The following HDAC9 variants were observed in gnomAD, a reference collection of about 807,000 sequenced individuals.
HDAC9 encodes MEF-2 interacting transcription repressor (MITR) protein.
Under a neutral mutation model 139.4 loss-of-function variants are expected in HDAC9, and 41 were observed. That is an observed-to-expected ratio of 0.29 (90% confidence interval 0.23 to 0.38). The LOEUF is 0.38. Among genes scored for constraint, HDAC9 ranks in the 10% least tolerant of loss-of-function variants. The pLI is 1.00. For synonymous variants in HDAC9, 517 were observed against 476.2 expected, an observed-to-expected ratio of 1.09 and a Z score of -1.12; for missense variants, 1,147 against 1,297.0, an observed-to-expected ratio of 0.88 and a Z score of 1.78.
intron 1 of HDAC9, among the ~76,000 whole-genome samples, chr7:18,353,520 T>C (rs1783016674): frequency 6.6e-6 from 1 of 152,222 alleles, no homozygotes; most frequent in Non-Finnish European, 1.5e-5. Flanking sequence ...TAGTTATTAA[T>C]GCCGATTCTT....
intron 2 of HDAC9, among the ~76,000 whole-genome samples, chr7:18,164,933 C>A (rs1314643607): frequency 6.6e-6 from 1 of 152,104 alleles, no homozygotes; most frequent in Admixed American, 6.6e-5. Context: ...CTAACTTGTG[C>A]CAGCCAGTGT....
At chr7:18,844,906 T>C (rs1796811315) in intron 21 of HDAC9, among the ~76,000 whole-genome samples, 1 of 152,180 alleles carries the variant, frequency 6.6e-6, no homozygotes, top group Non-Finnish European at 1.5e-5. Context: ...TTCTTTTATG[T>C]TTCAGTACTT....
At chr7:18,164,735 TAA>T in intron 2 of HDAC9, among the ~76,000 whole-genome samples, 1 of 152,354 alleles carries the variant, frequency 6.6e-6, no homozygotes, top group Middle Eastern at 3.4e-3. Context: ...AGTCAAACAA[TAA>T]GTGCTGATTT....
chr7:18,868,099 G>A (rs1798628700), intron 21 of HDAC9, among the ~76,000 whole-genome samples: 1 of 152,008 alleles, frequency 6.6e-6, no homozygotes, highest in Admixed American at 6.6e-5. Context: ...CTATGTATAT[G>A]TTTGTTTTAA....
At chr7:18,919,579 CAAAGAAGATTT>C (rs1803507148) in intron 22 of HDAC9, among the ~76,000 whole-genome samples, 1 of 151,856 alleles carries the variant, frequency 6.6e-6, no homozygotes, top group Non-Finnish European at 1.5e-5. Flanking sequence ...TTCATTGTTT[CAAAGAAGATTT>C]CACAGGGATT....
chr7:18,236,845 T>TA (rs1264733993), intron 2 of HDAC9, among the ~76,000 whole-genome samples: 1 of 152,160 alleles, frequency 6.6e-6, no homozygotes, highest in Non-Finnish European at 1.5e-5. Context: ...TCTGGCCCCC[T>TA]ACCCCATGGC....
intron 16 of HDAC9, among the ~76,000 whole-genome samples, chr7:18,786,812 CTTCCTTCATTCCTTCCTTCCTTCA>C (rs1791852263): frequency 5.1e-5 from 5 of 97,352 alleles, no homozygotes; most frequent in African/African-American, 1.6e-4. Context: ...TCCTTCCTTC[CTTCCTTCATTCCTTCCTTCCTTCA>C]TTCCTTCCTT....
intron 16 of HDAC9, among the ~76,000 whole-genome samples, chr7:18,780,608 G>A (rs1014297103): frequency 1.3e-5 from 2 of 152,038 alleles, no homozygotes; most frequent in African/African-American, 4.8e-5. Context: ...GACTGAAGAT[G>A]AGAGAAGCAG....
At chr7:18,290,567 G>A (rs553627676) in intron 1 of HDAC9, 23 of 456,318 alleles carry the variant, frequency 5.0e-5, no homozygotes, top group African/African-American at 3.6e-4. Context: ...AGATAGTGGG[G>A]TAGATGTTTT....
intron 2 of HDAC9, among the ~76,000 whole-genome samples, chr7:18,261,250 G>A (rs1200236544): frequency 2.0e-5 from 3 of 152,158 alleles, no homozygotes; most frequent in African/African-American, 7.2e-5. Context: ...CGAGGTTGCA[G>A]TGAGCCATGA....
intron 1 of HDAC9, among the ~76,000 whole-genome samples, chr7:18,129,837 A>G (rs2128100705): frequency 6.6e-6 from 1 of 152,288 alleles, no homozygotes; most frequent in Admixed American, 6.5e-5. Flanking sequence ...ACACAAATGA[A>G]TATGTAATGG....
At chr7:18,129,681 C>G (rs1784887108) in intron 1 of HDAC9, among the ~76,000 whole-genome samples, 1 of 152,152 alleles carries the variant, frequency 6.6e-6, no homozygotes, top group African/African-American at 2.4e-5. Flanking sequence ...GGTACTCACT[C>G]ATTCATTCTT....
intron 2 of HDAC9, among the ~76,000 whole-genome samples, chr7:18,559,049 T>C (rs866697285): frequency 4.6e-5 from 7 of 152,160 alleles, no homozygotes; most frequent in Non-Finnish European, 8.8e-5. Flanking sequence ...GCTGCCTCTT[T>C]TTCTGGTGGA....
chr7:18,752,407 GA>G (rs1312823045), intron 14 of HDAC9, among the ~76,000 whole-genome samples: 4 of 152,056 alleles, frequency 2.6e-5, no homozygotes, highest in Non-Finnish European at 5.9e-5. Context: ...GCTCAGGTGT[GA>G]GTAACTTATT....
intron 1 of HDAC9, among the ~76,000 whole-genome samples, chr7:18,145,082 G>T (rs1358003406): frequency 6.6e-6 from 1 of 152,186 alleles, no homozygotes; most frequent in African/African-American, 2.4e-5. Flanking sequence ...CTTTAGGTCA[G>T]TAAGTGATCC....
At chr7:18,787,036 C>T (rs766737708) in intron 16 of HDAC9, among the ~76,000 whole-genome samples, 8 of 152,060 alleles carry the variant, frequency 5.3e-5, no homozygotes, top group Non-Finnish European at 1.0e-4. Context: ...AAGTGTTCTA[C>T]GTAATTCTCA....
At chr7:18,568,547 A>G (rs562613563) in intron 2 of HDAC9, among the ~76,000 whole-genome samples, 1 of 152,240 alleles carries the variant, frequency 6.6e-6, no homozygotes, top group Non-Finnish European at 1.5e-5. Context: ...GTGAAGAGCA[A>G]GCAACAAAGT....
chr7:18,807,967 C>T (rs536410452), intron 17 of HDAC9: 1 of 152,288 alleles, frequency 6.6e-6, no homozygotes, highest in East Asian at 1.9e-4. Flanking sequence ...TTCAAGTCCA[C>T]TGTTTTCTTA....
rs548846926 is a variant in HDAC9, at chr7:18,398,026, G to A, written c.-41-98236G>A. Among the ~76,000 whole-genome samples the A allele has an allele frequency of 5.9e-5, 9 of 152,248 alleles. No homozygotes were observed. In the South Asian group the frequency reaches 1.7e-3, roughly 28 times the overall value. On this transcript the variant is annotated intron_variant, in intron 1 of 3. Transcript: ENST00000413509. ...AGGGATCTGAAACCCACTGAGGTTC[G>A]GAGATTTGTCCAAGGTTTAAATACC...
Sources: allele counts gnomAD v4.1 joint callset (sites outside exome capture counted in the v4.1 genomes callset), GRCh38; gene constraint gnomAD v4.1.1; transcripts MANE v1.5; gene names NCBI Gene and HGNC (gene_info 2026-07-23, HGNC 2026-07-21).